The following IGF1R variants were observed in gnomAD, a reference collection of about 807,000 sequenced individuals.
IGF1R encodes insulin like growth factor 1 receptor, also known as insulin-like growth factor 1 receptor.
IGF1R carries 44 observed loss-of-function variants against 144.6 expected under a neutral mutation model. The ratio of observed to expected loss-of-function variants is 0.30; its 90% confidence interval spans 0.24 to 0.39. The LOEUF (loss-of-function observed/expected upper bound fraction) is 0.39. IGF1R is among the 10% of genes least tolerant of loss of function. The pLI is 1.00. For synonymous variants in IGF1R, 795 were observed against 722.8 expected (o/e 1.10, Z -1.60); for missense variants, 1,355 against 1,833.7 (o/e 0.74, Z 4.77).
At chr15:98,849,678 T>TA (rs751477887) in intron 2 of IGF1R, among the ~76,000 whole-genome samples, 7 of 152,218 alleles carry the variant, frequency 4.6e-5, no homozygotes, top group East Asian at 1.9e-4. Context: ...CTCCCTTGTT[T>TA]AAAAAAACAA....
chr15:98,924,735 T>C lies in IGF1R; in HGVS notation c.2782+51T>C, dbSNP rs45610435. ...CGTGGTAAAACTGAAAGCAGGGTGG[T>C]CCAGGATCAGGACAGCCCGAGTGTT... On this transcript the variant is annotated intron_variant, in intron 13 of 20. Transcript: ENST00000650285. 1.8e-3 allele frequency: 2,716 copies of C among 1,544,442 alleles called. 51 individuals carry two copies. In the African/African-American group the frequency reaches 0.029, roughly 16 times the overall value.
chr15:98,689,263 G>C, intron 1 of IGF1R, among the ~76,000 whole-genome samples: 1 of 119,936 alleles, frequency 8.3e-6, no homozygotes, highest in East Asian at 2.7e-4. Flanking sequence ...TTTTTTGACA[G>C]AGTCTTGCTC....
rs889594092 is a variant in IGF1R at position 98,776,316 on chromosome 15, C to T, written c.640+68209C>T. On this transcript the variant is annotated intron_variant, in intron 2 of 20. Coordinates refer to ENST00000650285, the MANE Select transcript of IGF1R (RefSeq NM_000875.5). ...TCTCCTGCCTCGGCCTTCTGAGTAA[C>T]AGGGTCTATGGGCATGTGCCACCAT... Among the ~76,000 whole-genome samples the T allele has an allele frequency of 2.6e-5, 4 of 151,990 alleles. 1 individual carries two copies. The East Asian group carries it at 7.7e-4, about 29-fold the overall frequency.
At chr15:98,829,043 C>G (rs1220919299) in intron 2 of IGF1R, among the ~76,000 whole-genome samples, 1 of 152,106 alleles carries the variant, frequency 6.6e-6, no homozygotes, top group Non-Finnish European at 1.5e-5. Flanking sequence ...CCAAGGGCTT[C>G]TTAGGATACT....
chr15:98,695,713 A>G (rs568754470), intron 1 of IGF1R, among the ~76,000 whole-genome samples: 66 of 152,274 alleles, frequency 4.3e-4, no homozygotes, highest in African/African-American at 1.2e-3. Context: ...TCGGGTTTCA[A>G]ATGAATCCTA....
At chr15:98,913,604 A>G (rs1232014678) in intron 8 of IGF1R, among the ~76,000 whole-genome samples, 1 of 152,042 alleles carries the variant, frequency 6.6e-6, no homozygotes, top group Non-Finnish European at 1.5e-5. Context: ...GTTTGTTTTG[A>G]TGTTCAATCC....
At chr15:98,786,869 T>A (rs2141406655) in intron 2 of IGF1R, among the ~76,000 whole-genome samples, 1 of 152,308 alleles carries the variant, frequency 6.6e-6, no homozygotes, top group South Asian at 2.1e-4. Flanking sequence ...CTTTCCCCAC[T>A]TTGTTGCCGT....
At chr15:98,714,741 G>A (rs1477965186) in intron 2 of IGF1R, among the ~76,000 whole-genome samples, 6 of 152,198 alleles carry the variant, frequency 3.9e-5, no homozygotes, top group Non-Finnish European at 8.8e-5. Context: ...TCACCTGCTG[G>A]ATGGGGGGAA....
chr15:98,808,575 C>G (rs1265887568), intron 2 of IGF1R, among the ~76,000 whole-genome samples: 1 of 152,052 alleles, frequency 6.6e-6, no homozygotes, highest in African/African-American at 2.4e-5. Flanking sequence ...GTGCTGGAGC[C>G]ATAGTGATGA....
chr15:98,704,312 G>C lies in IGF1R; in HGVS notation c.95-3250G>C, dbSNP rs1004402181. Among the ~76,000 whole-genome samples the C allele has an allele frequency of 6.6e-6, 1 of 152,190 alleles. No individual in the cohort carries two copies. The highest frequency in any genetic ancestry group is 2.4e-5 in the African/African-American group (1 of 41,450). On this transcript the variant is annotated intron_variant, in intron 1 of 20. Transcript: ENST00000650285. This position sits in a 1 kb window ranked among gnomAD's most constrained non-coding sequence, Gnocchi z 4.9. ...TAGTTGAAGCTAAGGTGTTTAGGCA[G>C]AGCTCTGAGGAGGTGACGTTTGAGT...
intron 20 of IGF1R, among the ~76,000 whole-genome samples, chr15:98,950,897 T>C (rs939768427): frequency 6.6e-6 from 1 of 152,210 alleles, no homozygotes; most frequent in Non-Finnish European, 1.5e-5. Context: ...AGGTGCTATT[T>C]TTGTTTCAAA....
intron 10 of IGF1R, among the ~76,000 whole-genome samples, chr15:98,918,114 G>GCA (rs1202580459): frequency 6.6e-6 from 1 of 152,120 alleles, no homozygotes; most frequent in Non-Finnish European, 1.5e-5. Flanking sequence ...GGAGATGGAA[G>GCA]CACAGTGGTG....
At chr15:98,819,884 T>C (rs1401372931) in intron 2 of IGF1R, among the ~76,000 whole-genome samples, 1 of 152,234 alleles carries the variant, frequency 6.6e-6, no homozygotes, top group Non-Finnish European at 1.5e-5. Flanking sequence ...TGATCATACC[T>C]GCTTCTATGT....
intron 2 of IGF1R, among the ~76,000 whole-genome samples, chr15:98,710,263 A>G (rs532408891): frequency 5.3e-5 from 8 of 152,286 alleles, no homozygotes; most frequent in African/African-American, 1.7e-4. Context: ...TGATTTCACA[A>G]TGGAGTACTT....
At chr15:98,872,955 C>G (rs551769953) in intron 2 of IGF1R, among the ~76,000 whole-genome samples, 1 of 151,870 alleles carries the variant, frequency 6.6e-6, no homozygotes, top group African/African-American at 2.4e-5. Flanking sequence ...TTAAATTTTG[C>G]CAGCATAGCT....
At chr15:98,712,231 T>G (rs1300388027) in intron 2 of IGF1R, among the ~76,000 whole-genome samples, 1 of 152,182 alleles carries the variant, frequency 6.6e-6, no homozygotes, top group East Asian at 1.9e-4. Context: ...AGAACCCTTT[T>G]GAGTCCAGGA....
chr15:98,840,088 C>T (rs1386646660), intron 2 of IGF1R, among the ~76,000 whole-genome samples: 3 of 152,176 alleles, frequency 2.0e-5, no homozygotes, highest in Non-Finnish European at 2.9e-5. Context: ...TAATCACTCT[C>T]CCTTGTTTTA....
At chr15:98,896,997 A>C in intron 4 of IGF1R, 92 bp downstream of exon 4, 1 of 1,224,478 alleles carries the variant, frequency 8.2e-7, no homozygotes, top group Non-Finnish European at 1.2e-6. Flanking sequence ...TCACCACTAA[A>C]ATATGGGCTT....
intron 2 of IGF1R, among the ~76,000 whole-genome samples, chr15:98,806,926 C>T (rs150003139): frequency 6.6e-5 from 10 of 151,954 alleles, no homozygotes; most frequent in African/African-American, 2.4e-4. Flanking sequence ...GTTGGGAGGC[C>T]GAGGTGGATA....
Sources: allele counts gnomAD v4.1 joint callset (sites outside exome capture counted in the v4.1 genomes callset), GRCh38; gene constraint gnomAD v4.1.1; non-coding constraint Gnocchi (gnomAD v3.1); transcripts MANE v1.5; gene names NCBI Gene and HGNC (gene_info 2026-07-23, HGNC 2026-07-21).